ICAM3: variants seen among roughly 807,000 people sequenced by gnomAD.
ICAM3 encodes the protein ICAM-3.
A neutral mutation model predicts 43.6 loss-of-function variants in ICAM3; 54 were observed. That is an observed-to-expected ratio of 1.24 (90% CI 0.99 to 1.55). The LOEUF (loss-of-function observed/expected upper bound fraction) is 1.55. Ranked by LOEUF, ICAM3 falls within the 40% of genes most tolerant of loss-of-function variation. ICAM3 has a pLI of 0.00. For synonymous variants in ICAM3, 306 were observed against 312.6 expected (o/e 0.98, Z 0.22); for missense variants, 715 against 717.9 (o/e 1.00, Z 0.05).
Position 10,334,466 on chromosome 19 carries a change from A to G in ICAM3, c.1193-58T>C, listed in dbSNP as rs1439426034. On this transcript the variant is annotated intron_variant, in intron 5 of 6. Transcript: ENST00000160262. The surrounding 1 kb of genome is among the most constrained non-coding windows in gnomAD (Gnocchi z 5.5). ...ACACACCCGAGGCACAGTGGTGCAG[A>G]GGAGCGTCTAATCTTTCCAGGGCAG... The G allele has an allele frequency of 5.6e-6, 9 of 1,607,914 alleles. No homozygotes were observed. The highest frequency in any genetic ancestry group is 7.7e-6 in the Non-Finnish European group (9 of 1,175,942).
chr19:10,334,467 G>C lies in ICAM3; in HGVS notation c.1193-59C>G. ...CACACCCGAGGCACAGTGGTGCAGA[G>C]GAGCGTCTAATCTTTCCAGGGCAGG... is the stretch of plus-strand genomic sequence containing the variant. On this transcript the variant is annotated intron_variant, in intron 5 of 6. Transcript: ENST00000160262. The surrounding 1 kb of genome is among the most constrained non-coding windows in gnomAD (Gnocchi z 5.5). The C allele has an allele frequency of 3.1e-6, 5 of 1,608,036 alleles. No individual in the cohort carries two copies. The highest frequency in any genetic ancestry group is 1.3e-5 in the African/African-American group (1 of 74,956).
chr19:10,338,840 T>C lies in ICAM3; in HGVS notation c.185A>G (p.Lys62Arg), dbSNP rs758435958. 26 of 1,614,154 alleles carry C rather than the reference T, an allele frequency of 1.6e-5. No homozygotes were observed. In the East Asian group the frequency reaches 5.3e-4, roughly 33 times the overall value. The change falls in exon 2 of 7, where the codon AAA (lysine) becomes AGA (arginine). Residue 62 changes from lysine to arginine, a missense_variant. Physicochemically the swap from Lys to Arg is conservative, Grantham distance 26. Transcript: ENST00000160262. ...TGATAGGGACGTCTCCAAGGCGATTTTCTCAGAGCTGGGACAATCAGTACT... is the reference window on the plus strand; with the variant it reads ...TGATAGGGACGTCTCCAAGGCGATTCTCTCAGAGCTGGGACAATCAGTACT... The part of the protein sequence containing the change: ...NCSTDCPSSE[K>R]IALETSLSKE...
chr19:10,338,603 TC>T lies in ICAM3; in HGVS notation c.343+78del. 2.9e-6 allele frequency: 4 copies of T among 1,364,462 alleles called. No homozygotes were observed. In the East Asian group the frequency reaches 6.9e-5, roughly 24 times the overall value. The allele number at this position is 1,364,462 out of a possible 1,614,324, so 84.5% of individuals were successfully genotyped here. On this transcript the variant is annotated intron_variant, in intron 2 of 6. Coordinates refer to ENST00000160262, the MANE Select transcript of ICAM3 (RefSeq NM_002162.5). ...TGGTCCATTCTTTGCAAACTGAGGG[TC>T]CCCACTCTCCTGAGCCATTGGCCAC...
chr19:10,334,634 T>C lies in ICAM3; in HGVS notation c.1086A>G (p.Leu362=). Reference sequence around the variant, plus strand: ...GTCCGTCGTCACTCTCGGTAGCATTTAGCTGAAGTTGAGCTGGCTGCCCCG... The same window carrying C: ...GTCCGTCGTCACTCTCGGTAGCATTCAGCTGAAGTTGAGCTGGCTGCCCCG... The part of the protein sequence containing the change: ...AAPGQPAQLQ[L]NATESDDGRS... Residue 362 remains leucine, a synonymous_variant, in exon 5 of 7, where the codon CTA becomes CTG. Transcript: ENST00000160262. The surrounding 1 kb of genome is among the most constrained non-coding windows in gnomAD (Gnocchi z 5.5). 6.2e-7 allele frequency: 1 copy of C among 1,613,602 alleles called. No homozygotes were observed. Among genetic ancestry groups the C allele is most frequent in the Non-Finnish European group, 8.5e-7 (1 of 1,180,004 alleles).
rs146124000 is a variant in ICAM3, at chr19:10,333,934, C to T, written c.1567G>A (p.Glu523Lys). The T allele has an allele frequency of 3.5e-5, 56 of 1,614,160 alleles. No homozygotes were observed. In the African/African-American group the frequency reaches 6.1e-4, roughly 18 times the overall value. ...HQRSGSYHVR[E>K]ESTYLPLTSM... is the part of the protein sequence containing the mutation. ...GTGAGGGGCAGATAGGTGCTCTCCT[C>T]CCTAACATGGTAACTGCCGCTCCGT... The change falls in exon 7 of 7, where the codon GAG (glutamate) becomes AAG (lysine). Residue 523 changes from glutamate to lysine, a missense_variant. Transcript: ENST00000160262. This position sits in a 1 kb window ranked among gnomAD's most constrained non-coding sequence, Gnocchi z 4.2.
Position 10,334,738 on chromosome 19 carries a change from CAT to C in ICAM3, c.980_981del (p.His327ArgfsTer41), listed in dbSNP as rs753583645. 4.3e-6 allele frequency: 7 copies of C among 1,610,596 alleles called. No homozygotes were observed. The South Asian group carries it at 6.6e-5, about 15-fold the overall frequency. ...PIVNLSEPTA[H>X]EGSTVTVSCM... Reference sequence around the variant, plus strand: ...CAACTCACGGTCACTGTGGACCCCTCATGGGCGGTGGGCTCGCTGAGGTTCAC... The same window carrying C: ...CAACTCACGGTCACTGTGGACCCCTCGGGCGGTGGGCTCGCTGAGGTTCAC... On this transcript the variant is annotated frameshift_variant, in exon 5 of 7. Coordinates refer to ENST00000160262, the MANE Select transcript of ICAM3 (RefSeq NM_002162.5). LOFTEE classifies it high-confidence loss of function. This position sits in a 1 kb window ranked among gnomAD's most constrained non-coding sequence, Gnocchi z 5.5.
At position 10,335,711 on chromosome 19, in the gene ICAM3, C is replaced by T. The variant is rs1322922861; in HGVS notation, c.609G>A (p.Leu203=). Residue 203 remains leucine, a synonymous_variant, in exon 3 of 7, where the codon CTG becomes CTA. Coordinates refer to ENST00000160262, the MANE Select transcript of ICAM3 (RefSeq NM_002162.5). ...ELDMQPQGLG[L]FVNTSAPRQL... is the part of the protein sequence containing the mutation. The stretch of plus-strand genomic sequence containing the variant: ...GGCGGGGGGCTGAGGTGTTCACGAA[C>T]AGTCCCAGCCCCTGGGGCTGCATGT... The T allele has an allele frequency of 1.9e-6, 3 of 1,609,278 alleles. No individual in the cohort carries two copies. The highest frequency in any genetic ancestry group is 1.1e-5 in the South Asian group (1 of 90,362).
chr19:10,338,690 GTGA>G lies in ICAM3; in HGVS notation c.332_334del (p.Ile111del). On this transcript the variant is annotated inframe_deletion, in exon 2 of 7. Coordinates refer to ENST00000160262, the MANE Select transcript of ICAM3 (RefSeq NM_002162.5). Reference sequence around the variant, plus strand: ...CGGACACGTCGACTCACTGTACACGGTGATGTTAGAGGAGCCTGTTATCTGAGA... The same window carrying G: ...CGGACACGTCGACTCACTGTACACGGTGTTAGAGGAGCCTGTTATCTGAGA... The G allele has an allele frequency of 6.2e-7, 1 of 1,614,044 alleles. No individual in the cohort carries two copies. Among genetic ancestry groups the G allele is most frequent in the African/African-American group, 1.3e-5 (1 of 75,036 alleles).
intron 3 of ICAM3, 45 bp from the exon 4 acceptor site, chr19:10,335,398 TC>T: frequency 6.7e-7 from 1 of 1,490,798 alleles, no homozygotes. Flanking sequence ...GACTGTGCCT[TC>T]CCCAGGACAC....
rs1275674444 is a variant in ICAM3 at position 10,335,661 on chromosome 19, C to T, written c.649+10G>A. On this transcript the variant is annotated intron_variant, in intron 3 of 6. Coordinates refer to ENST00000160262, the MANE Select transcript of ICAM3 (RefSeq NM_002162.5). ...GCTCGTCACCCACCGTCTGAAGCCC[C>T]TTCTCTCACCAAAGGTTCGGAGCTG... 6.3e-7 allele frequency: 1 copy of T among 1,592,978 alleles called. No homozygotes were observed. The highest frequency in any genetic ancestry group is 8.6e-7 in the Non-Finnish European group (1 of 1,169,230).
intron 2 of ICAM3, among the ~76,000 whole-genome samples, chr19:10,337,402 G>A (rs574644112): frequency 6.9e-6 from 1 of 144,134 alleles, no homozygotes; most frequent in African/African-American, 2.6e-5. Flanking sequence ...GGGGGACAGA[G>A]TGAGACTCTG....
intron 2 of ICAM3, chr19:10,336,241 G>T: frequency 2.0e-6 from 1 of 493,064 alleles, no homozygotes. Context: ...AAATGAGGAT[G>T]GAAGGGATGA....
At position 10,334,987 on chromosome 19, in the gene ICAM3, C is replaced by G; in HGVS notation, c.937+79G>C. On this transcript the variant is annotated intron_variant, in intron 4 of 6. Coordinates refer to ENST00000160262, the MANE Select transcript of ICAM3 (RefSeq NM_002162.5). This position sits in a 1 kb window ranked among gnomAD's most constrained non-coding sequence, Gnocchi z 5.5. ...TGCTATTGGGGCAAGCCAGGCCCCA[C>G]CTTTTCGGCTAGTCTCCGCCCCCTC... 1 of 1,542,478 alleles carries G rather than the reference C, an allele frequency of 6.5e-7. No individual in the cohort carries two copies. The highest frequency in any genetic ancestry group is 1.8e-5 in the Admixed American group (1 of 54,282).
At chr19:10,339,367 C>G in intron 1 of ICAM3, 172 bp downstream of exon 1, 1 of 616,202 alleles carries the variant, frequency 1.6e-6, no homozygotes, top group South Asian at 1.9e-5. Context: ...ATGCTGGGGC[C>G]TGACCACCTG....
In ICAM3 at chr19:10,334,723, T is replaced by A. The variant is rs774624550; in HGVS notation, c.997A>T (p.Thr333Ser). 6.2e-7 allele frequency: 1 copy of A among 1,613,180 alleles called. No individual in the cohort carries two copies. Among genetic ancestry groups the A allele is most frequent in the Non-Finnish European group, 8.5e-7 (1 of 1,179,930 alleles). The stretch of plus-strand genomic sequence containing the variant: ...CGAGCCCCAGCCATGCAACTCACGG[T>A]CACTGTGGACCCCTCATGGGCGGTG... The part of the protein sequence containing the change: ...EPTAHEGSTV[T>S]VSCMAGARVQ... The change falls in exon 5 of 7, where the codon ACC becomes TCC. Residue 333 changes from threonine (T) to serine (S), a missense_variant. Transcript: ENST00000160262. The surrounding 1 kb of genome is among the most constrained non-coding windows in gnomAD (Gnocchi z 5.5).
intron 1 of ICAM3, 56 bp downstream of exon 1, chr19:10,339,483 C>A: frequency 4.1e-6 from 6 of 1,466,142 alleles, no homozygotes; most frequent in Non-Finnish European, 5.7e-6. Flanking sequence ...CCTCTACCCT[C>A]TACTGATCCC....
chr19:10,334,540 G>C lies in ICAM3; in HGVS notation c.1180C>G (p.Leu394Val). The stretch of plus-strand genomic sequence containing the variant: ...GTGACCGACTCACACAGGACTCGCA[G>C]CTGGACGCTACTGTTCCTGTGCAAG... Reference protein sequence around the residue: ...EFLHRNSSVQLRVLYGPKIDR... With the variant: ...EFLHRNSSVQVRVLYGPKIDR... Residue 394 changes from leucine (L) to valine (V), a missense_variant, in exon 5 of 7, where the codon CTG (leucine) becomes GTG (valine). Physicochemically the swap from Leu to Val is conservative, Grantham distance 32 (BLOSUM62 1). Coordinates refer to ENST00000160262, the MANE Select transcript of ICAM3 (RefSeq NM_002162.5). The surrounding 1 kb of genome is among the most constrained non-coding windows in gnomAD (Gnocchi z 5.5). 1 of 1,610,068 alleles carries C rather than the reference G, an allele frequency of 6.2e-7. No individual in the cohort carries two copies. The highest frequency in any genetic ancestry group is 8.5e-7 in the Non-Finnish European group (1 of 1,177,184).
rs760183890 is a variant in ICAM3, at chr19:10,334,276, C to T, written c.1325G>A (p.Arg442Gln). 12 of 1,614,210 alleles carry T rather than the reference C, an allele frequency of 7.4e-6. No homozygotes were observed. Among genetic ancestry groups the T allele is most frequent in the Non-Finnish European group, 1.0e-5 (12 of 1,180,032 alleles). ...ELRCLKEGSS[R>Q]EVPVGIPFFV... ...GAACGGGATCCCCACCGGCACCTCC[C>T]GGCTGGAGCCTTCCTTCAAACACCG... The change falls in exon 6 of 7, where the codon CGG becomes CAG. Residue 442 changes from arginine (R) to glutamine (Q), a missense_variant. By Grantham distance (43) the Arg-to-Gln change is conservative. Coordinates refer to ENST00000160262, the MANE Select transcript of ICAM3 (RefSeq NM_002162.5). The surrounding 1 kb of genome is among the most constrained non-coding windows in gnomAD (Gnocchi z 5.5).
Position 10,334,790 on chromosome 19 carries a change from C to A in ICAM3, c.938-8G>T. On this transcript the variant is annotated splice_region_variant and splice_polypyrimidine_tract_variant and intron_variant, in intron 4 of 6. Transcript: ENST00000160262. This position sits in a 1 kb window ranked among gnomAD's most constrained non-coding sequence, Gnocchi z 5.5. ...CAATGGGTCCTAGGAAGCCTAAAGG[C>A]GGGGCATTGCCCAGGAGCTTAATGA... The A allele has an allele frequency of 6.4e-7, 1 of 1,572,120 alleles. No homozygotes were observed. Among genetic ancestry groups the A allele is most frequent in the South Asian group, 1.2e-5 (1 of 86,406 alleles).
Sources: gnomAD v4.1 joint callset for allele counts (sites outside exome capture counted in the v4.1 genomes callset) on GRCh38, gnomAD v4.1.1 for gene constraint, Gnocchi (gnomAD v3.1) non-coding constraint, MANE v1.5 for transcripts, NCBI Gene and HGNC (gene_info 2026-07-23, HGNC 2026-07-21) for gene names.